TBCD: variants seen among roughly 807,000 people sequenced by gnomAD.
TBCD encodes the protein tubulin-specific chaperone D.
A neutral mutation model predicts 169.3 loss-of-function variants in TBCD; 105 were observed. That is an observed-to-expected ratio of 0.62 (90% CI 0.53 to 0.73). The LOEUF is 0.73. Among genes scored for constraint, TBCD ranks in the 30% least tolerant of loss-of-function variants. The pLI, the probability that TBCD is intolerant of heterozygous loss-of-function variation, is 0.00. For missense variants in TBCD, 1,444 were observed against 1,600.1 expected (o/e 0.90, Z 1.66); for synonymous variants, 700 against 643.9 (o/e 1.09, Z -1.32).
chr17:82,844,003 C>CTTA (rs147442804), intron 13 of TBCD, among the ~76,000 whole-genome samples: 4,129 of 152,200 alleles, frequency 0.027, 208 homozygotes, highest in African/African-American at 0.093. Context: ...CCTCAGTAGT[C>CTTA]TTAGTTTTCT....
intron 13 of TBCD, among the ~76,000 whole-genome samples, chr17:82,828,150 CACAG>C (rs78229497): frequency 0.22 from 31,724 of 142,784 alleles, 3,948 homozygotes; most frequent in East Asian, 0.44. Context: ...TGCATACACC[CACAG>C]ACACACATGC....
At position 82,831,729 on chromosome 17, in the gene TBCD, G is replaced by A. The variant is rs576200542; in HGVS notation, c.1318+16795G>A. 1.9e-6 allele frequency: 3 copies of A among 1,614,198 alleles called. No homozygotes were observed. In the African/African-American group the frequency reaches 4.0e-5, roughly 22 times the overall value. ...CGTGCTCTGTGTAAAAGTGAGGCGG[G>A]TACTCTGGGATTGTGGGGTGCATGT... is the stretch of plus-strand genomic sequence containing the variant. On this transcript the variant is annotated intron_variant, in intron 13 of 38. Transcript: ENST00000355528. The surrounding 1 kb of genome is among the most constrained non-coding windows in gnomAD (Gnocchi z 4.6).
chr17:82,887,172 C>CGCGCGCGCGCGCGCGCGCGCGCACGT (rs1567961618), intron 15 of TBCD, among the ~76,000 whole-genome samples: 1 of 46,450 alleles, frequency 2.2e-5, no homozygotes, highest in Non-Finnish European at 4.2e-5. Flanking sequence ...TGTGTGTGCG[C>CGCGCGCGCGCGCGCGCGCGCGCACGT]GCGCGCGCAC....
Position 82,883,159 on chromosome 17 carries a change from C to T in TBCD, c.1476-986C>T, listed in dbSNP as rs538207314. ...TCATGTTGACGCGGGCCCCGCCCCA[C>T]GGCTCAGGTCTGTCAACTTCCCTGG... On this transcript the variant is annotated intron_variant, in intron 14 of 38. Coordinates refer to ENST00000355528, the MANE Select transcript of TBCD (RefSeq NM_005993.5). Among the ~76,000 whole-genome samples the T allele has an allele frequency of 1.2e-3, 187 of 152,376 alleles. 3 individuals carry two copies. The South Asian group carries it at 0.035, about 28-fold the overall frequency.
rs899013553 is a variant in TBCD at position 82,930,402 on chromosome 17, C to T, written c.2992-120C>T. ...CACCAGCCGCTTGGGGCCAGACCTT[C>T]GCGTCTCTGCAGCTCGGAGCAGTTC... On this transcript the variant is annotated intron_variant, in intron 32 of 38. Transcript: ENST00000355528. The surrounding 1 kb of genome is among the most constrained non-coding windows in gnomAD (Gnocchi z 5.2). The T allele has an allele frequency of 4.2e-6, 6 of 1,412,146 alleles. No homozygotes were observed. In the South Asian group the frequency reaches 4.3e-5, roughly 10 times the overall value. The allele number at this position is 1,412,146 out of a possible 1,614,324, so 87.5% of individuals were successfully genotyped here. A position where few individuals can be genotyped will look rare whatever the true frequency, so the allele number is the denominator to read the frequency against.
chr17:82,846,822 C>T (rs952755645), intron 13 of TBCD, among the ~76,000 whole-genome samples: 25 of 152,158 alleles, frequency 1.6e-4, no homozygotes, highest in South Asian at 1.0e-3. Context: ...TGAGAAGGGG[C>T]GCCTCCCTCC....
intron 7 of TBCD, among the ~76,000 whole-genome samples, chr17:82,783,719 G>T (rs563712243): frequency 6.6e-6 from 1 of 152,266 alleles, no homozygotes; most frequent in African/African-American, 2.4e-5. Flanking sequence ...CAACGTGTGG[G>T]TATTTTCCAT....
intron 6 of TBCD, 78 bp from the exon 7 acceptor site, chr17:82,781,511 G>A: frequency 6.4e-7 from 1 of 1,564,448 alleles, no homozygotes; most frequent in Non-Finnish European, 8.7e-7. Context: ...GGGGAGGTGG[G>A]TGTGTGTGGG....
intron 12 of TBCD, among the ~76,000 whole-genome samples, chr17:82,810,157 T>C (rs1568170913): frequency 6.6e-6 from 1 of 152,202 alleles, no homozygotes; most frequent in Non-Finnish European, 1.5e-5. Flanking sequence ...GAAGTGAGGC[T>C]GGTGTGACCA....
At chr17:82,931,685 C>A (rs2062225462) in intron 33 of TBCD, among the ~76,000 whole-genome samples, 2 of 152,206 alleles carry the variant, frequency 1.3e-5, no homozygotes, top group Non-Finnish European at 2.9e-5. Flanking sequence ...ACAGCTGGGC[C>A]TCCCTCTCTG....
At chr17:82,877,632 G>A (rs895448054) in intron 14 of TBCD, among the ~76,000 whole-genome samples, 1 of 152,142 alleles carries the variant, frequency 6.6e-6, no homozygotes, top group Non-Finnish European at 1.5e-5. Flanking sequence ...GAGCCACTGC[G>A]CCCGGCTGTA....
At chr17:82,902,423 G>A (rs1176799827) in intron 18 of TBCD, among the ~76,000 whole-genome samples, 3 of 152,244 alleles carry the variant, frequency 2.0e-5, no homozygotes, top group Non-Finnish European at 4.4e-5. Context: ...CATTGCCTCC[G>A]CTTCTCAGGT....
At position 82,917,019 on chromosome 17, in the gene TBCD, C is replaced by CTTTTTTTTTTTTTTTTTTT. The variant is rs59331670; in HGVS notation, c.2039-3533_2039-3532insTTTTTTTTTTTTTTTTTTT. ...CAGTTTGGACTTTTTTTTTTCTTTT[C>CTTTTTTTTTTTTTTTTTTT]TTTTCTTTTTTTTTTTTTTGAGTTG... On this transcript the variant is annotated intron_variant, in intron 23 of 38. Coordinates refer to ENST00000355528, the MANE Select transcript of TBCD (RefSeq NM_005993.5). 7.5e-4 allele frequency among the ~76,000 whole-genome samples: 81 copies of CTTTTTTTTTTTTTTTTTTT among 108,488 alleles called. 1 individual carries two copies. Among genetic ancestry groups the CTTTTTTTTTTTTTTTTTTT allele is most frequent in the East Asian group, 1.6e-3 (6 of 3,868 alleles). The allele number at this position is 108,488 out of a possible 152,430, so 71.2% of individuals were successfully genotyped here.
Position 82,920,668 on chromosome 17 carries a change from G to A in TBCD, c.2101+50G>A, listed in dbSNP as rs370729218. The A allele has an allele frequency of 9.7e-5, 141 of 1,450,752 alleles. No individual in the cohort carries two copies. The Middle Eastern group carries it at 1.2e-3, about 12-fold the overall frequency. The allele number at this position is 1,450,752 out of a possible 1,614,324, so 89.9% of individuals were successfully genotyped here. On this transcript the variant is annotated intron_variant, in intron 24 of 38. Coordinates refer to ENST00000355528, the MANE Select transcript of TBCD (RefSeq NM_005993.5). The surrounding 1 kb of genome is among the most constrained non-coding windows in gnomAD (Gnocchi z 4.1). ...AGCATTTTCTTACAGAATGACTTCA[G>A]ATTAAAAGGTAAAAATGAACCTGTT... is the stretch of plus-strand genomic sequence containing the variant.
At chr17:82,900,003 T>C (rs1392406950) in intron 17 of TBCD, among the ~76,000 whole-genome samples, 1 of 152,244 alleles carries the variant, frequency 6.6e-6, no homozygotes, top group African/African-American at 2.4e-5. Flanking sequence ...TGCCTTTTGA[T>C]TTTCTTAAAA....
In TBCD at chr17:82,782,560, T is replaced by C. The variant is rs1009855366; in HGVS notation, c.771+839T>C. Among the ~76,000 whole-genome samples, 3 of 152,150 alleles carry C rather than the reference T, an allele frequency of 2.0e-5. No homozygotes were observed. The highest frequency in any genetic ancestry group is 7.2e-5 in the African/African-American group (3 of 41,426). On this transcript the variant is annotated intron_variant, in intron 7 of 38. Transcript: ENST00000355528. This position sits in a 1 kb window ranked among gnomAD's most constrained non-coding sequence, Gnocchi z 5.1. ...TCTTGCTATGTAGGTCAGGGTGGTC[T>C]TAAACTCCTGGCCTCAAGTGATCCT...
intron 20 of TBCD, among the ~76,000 whole-genome samples, chr17:82,906,582 A>G (rs570347997): frequency 1.8e-3 from 273 of 152,392 alleles, no homozygotes; most frequent in African/African-American, 6.4e-3. Context: ...TAAGGCATCG[A>G]CTGTCGTCTT....
chr17:82,771,819 G>T (rs980099802), intron 5 of TBCD, among the ~76,000 whole-genome samples: 7 of 151,964 alleles, frequency 4.6e-5, no homozygotes, highest in South Asian at 4.1e-4. Flanking sequence ...AGCTACTGGG[G>T]AGGCTGAGGC....
chr17:82,852,416 T>C (rs2055873472), intron 13 of TBCD, among the ~76,000 whole-genome samples: 1 of 152,070 alleles, frequency 6.6e-6, no homozygotes, highest in African/African-American at 2.4e-5. Context: ...GCAGCACAAA[T>C]GTATCCCTCA....
Sources: gnomAD v4.1 joint callset for allele counts (sites outside exome capture counted in the v4.1 genomes callset) on GRCh38, gnomAD v4.1.1 for gene constraint, Gnocchi (gnomAD v3.1) non-coding constraint, MANE v1.5 for transcripts, NCBI Gene and HGNC (gene_info 2026-07-23, HGNC 2026-07-21) for gene names.